Variants in GUCY1A1 observed in about 807,000 individuals in gnomAD.
GUCY1A1 encodes guanylate cyclase soluble subunit alpha-1.
GUCY1A1 carries 48 observed loss-of-function variants against 64.5 expected under a neutral mutation model. The observed-to-expected ratio is 0.74, with a 90% CI of 0.59 to 0.95. GUCY1A1 has a LOEUF of 0.95. Among genes scored for constraint, GUCY1A1 ranks in the 40% least tolerant of loss-of-function variants. GUCY1A1 has a pLI of 0.00. For missense variants in GUCY1A1, 804 were observed against 825.3 expected, an observed-to-expected ratio of 0.97 and a Z score of 0.32; for synonymous variants, 308 against 303.4, an observed-to-expected ratio of 1.02 and a Z score of -0.16.
rs554640740 is a variant in GUCY1A1, at chr4:155,716,487, A to G, written c.1573-672A>G. On this transcript the variant is annotated intron_variant, in intron 7 of 9. Coordinates refer to ENST00000506455, the MANE Select transcript of GUCY1A1 (RefSeq NM_001130682.3). ...GACAACAATAATGATGATGATAATGATAAGGTTAATACTTAGATTTTTGAT... is the reference window on the plus strand; with the variant it reads ...GACAACAATAATGATGATGATAATGGTAAGGTTAATACTTAGATTTTTGAT... Among the ~76,000 whole-genome samples, 17 of 152,292 alleles carry G rather than the reference A, an allele frequency of 1.1e-4. No homozygotes were observed. In the East Asian group the frequency reaches 3.3e-3, roughly 29 times the overall value.
chr4:155,708,626 C>T (rs1204745864), intron 5 of GUCY1A1, among the ~76,000 whole-genome samples: 1 of 152,000 alleles, frequency 6.6e-6, no homozygotes, highest in Non-Finnish European at 1.5e-5. Context: ...ATAAAGAATG[C>T]TTTTAAAGGT....
rs150147704 is a variant in GUCY1A1 at position 155,732,018 on chromosome 4, A to AG, written c.*1787_*1788insG. The AG allele has an allele frequency of 6.6e-6, 1 of 151,510 alleles. No homozygotes were observed. The highest frequency in any genetic ancestry group is 2.4e-5 in the African/African-American group (1 of 41,308). The allele number at this position is 151,510 out of a possible 1,614,324, so 9.4% of individuals were successfully genotyped here. On this transcript the variant is annotated 3_prime_UTR_variant, in exon 10 of 10. Coordinates refer to ENST00000506455, the MANE Select transcript of GUCY1A1 (RefSeq NM_001130682.3). ...TAAGTCACTACTTACAAGGAAAAAA[A>AG]ATGTAAATACATTTTTCTTTCTGGA...
At chr4:155,722,364 G>A in intron 9 of GUCY1A1, 172 bp downstream of exon 9, 1 of 1,414,678 alleles carries the variant, frequency 7.1e-7, no homozygotes, top group Non-Finnish European at 9.2e-7. Context: ...CTGCTTATTA[G>A]CCTCCTAAGA....
At chr4:155,683,456 T>A (rs527661027) in intron 2 of GUCY1A1, among the ~76,000 whole-genome samples, 1 of 152,348 alleles carries the variant, frequency 6.6e-6, no homozygotes, top group South Asian at 2.1e-4. Flanking sequence ...TCTTTCAATT[T>A]CAGCAGAAAA....
At chr4:155,685,603 GTTTTTTTTTT>G (rs70954055) in intron 2 of GUCY1A1, among the ~76,000 whole-genome samples, 4 of 108,856 alleles carry the variant, frequency 3.7e-5, no homozygotes. Context: ...TTCTCCTTGT[GTTTTTTTTTT>G]TTTTTTTTTT....
chr4:155,704,461 C>A (rs1731477463), intron 4 of GUCY1A1, among the ~76,000 whole-genome samples: 1 of 152,042 alleles, frequency 6.6e-6, no homozygotes, highest in Non-Finnish European at 1.5e-5. Flanking sequence ...CCATCCCCAA[C>A]ACACATCTCA....
chr4:155,696,706 C>T (rs1730455539), intron 2 of GUCY1A1, 50 bp from the exon 3 acceptor site: 1 of 567,292 alleles, frequency 1.8e-6, no homozygotes, highest in Non-Finnish European at 3.1e-6. Flanking sequence ...CTGTTTTCAT[C>T]CGTGCATAAA....
intron 9 of GUCY1A1, among the ~76,000 whole-genome samples, chr4:155,722,846 T>G (rs1734146277): frequency 6.6e-6 from 1 of 152,092 alleles, no homozygotes; most frequent in Non-Finnish European, 1.5e-5. Context: ...AATCAGAACT[T>G]ATCTCCCTCC....
intron 3 of GUCY1A1, among the ~76,000 whole-genome samples, chr4:155,699,232 G>A (rs2126760738): frequency 6.6e-6 from 1 of 152,126 alleles, no homozygotes; most frequent in East Asian, 1.9e-4. Flanking sequence ...GGCTCAGCTA[G>A]AGATTTTGAG....
At chr4:155,688,834 G>A (rs1405234925) in intron 2 of GUCY1A1, among the ~76,000 whole-genome samples, 3 of 152,086 alleles carry the variant, frequency 2.0e-5, no homozygotes, top group African/African-American at 7.2e-5. Flanking sequence ...TAAAAGTTTA[G>A]TTAAAAGATA....
intron 4 of GUCY1A1, among the ~76,000 whole-genome samples, chr4:155,705,370 G>A (rs759880548): frequency 6.6e-5 from 10 of 151,844 alleles, no homozygotes; most frequent in South Asian, 2.1e-4. Context: ...CCAACATGGC[G>A]AAACCCCGTC....
Position 155,732,617 on chromosome 4 carries a change from G to A in GUCY1A1, c.*2386G>A, listed in dbSNP as rs1735678236. On this transcript the variant is annotated 3_prime_UTR_variant, in exon 10 of 10. Coordinates refer to ENST00000506455, the MANE Select transcript of GUCY1A1 (RefSeq NM_001130682.3). ...GCCAGAGTAGAGACCCTGGAGCATA[G>A]ATTCTTAAAATAAATAAGGGGCCCA... Among the ~76,000 whole-genome samples the A allele has an allele frequency of 6.6e-6, 1 of 151,904 alleles. No individual in the cohort carries two copies. Among genetic ancestry groups the A allele is most frequent in the African/African-American group, 2.4e-5 (1 of 41,414 alleles).
At chr4:155,702,334 C>A (rs979217756) in intron 3 of GUCY1A1, among the ~76,000 whole-genome samples, 1 of 151,368 alleles carries the variant, frequency 6.6e-6, no homozygotes, top group African/African-American at 2.5e-5. Flanking sequence ...CACATTGATA[C>A]TCTGTTAACT....
intron 2 of GUCY1A1, among the ~76,000 whole-genome samples, chr4:155,674,650 C>T (rs1734640508): frequency 6.6e-6 from 1 of 151,484 alleles, no homozygotes; most frequent in Non-Finnish European, 1.5e-5. Context: ...GTTTCACTGT[C>T]TTCCACTGCC....
At chr4:155,675,817 CT>C (rs1424877622) in intron 2 of GUCY1A1, among the ~76,000 whole-genome samples, 1 of 151,578 alleles carries the variant, frequency 6.6e-6, no homozygotes, top group African/African-American at 2.4e-5. Flanking sequence ...CTCTCCTCCT[CT>C]TTGAAGCTGT....
chr4:155,719,496 T>C (rs186702826), intron 8 of GUCY1A1, among the ~76,000 whole-genome samples: 1 of 152,174 alleles, frequency 6.6e-6, no homozygotes, highest in Non-Finnish European at 1.5e-5. Flanking sequence ...GTCATGTCCA[T>C]GTGACTTCAA....
chr4:155,717,100 T>C (rs1733342680), intron 7 of GUCY1A1, 59 bp from the exon 8 acceptor site: 2 of 1,179,322 alleles, frequency 1.7e-6, no homozygotes, highest in Non-Finnish European at 1.2e-6. Context: ...TTCTATCCGA[T>C]GTAGGCTGTG....
intron 3 of GUCY1A1, among the ~76,000 whole-genome samples, chr4:155,702,837 T>C (rs1373359039): frequency 6.6e-6 from 1 of 152,110 alleles, no homozygotes; most frequent in African/African-American, 2.4e-5. Context: ...GTACCTCACT[T>C]GACTGGTGGA....
intron 2 of GUCY1A1, among the ~76,000 whole-genome samples, chr4:155,692,057 G>A (rs1387122890): frequency 6.6e-6 from 1 of 152,082 alleles, no homozygotes; most frequent in Non-Finnish European, 1.5e-5. Flanking sequence ...TTGGTTTTCT[G>A]TTCCTGGGTT....
Sources: allele counts gnomAD v4.1 joint callset (sites outside exome capture counted in the v4.1 genomes callset), GRCh38; gene constraint gnomAD v4.1.1; transcripts MANE v1.5; gene names NCBI Gene and HGNC (gene_info 2026-07-23, HGNC 2026-07-21).